Variants in STPG4 observed in about 807,000 individuals in gnomAD.
The protein encoded by STPG4 is protein STPG4.
In STPG4, 41 loss-of-function variants were observed where a neutral mutation model predicts 31.5. The ratio of observed to expected loss-of-function variants is 1.30; its 90% CI spans 1.01 to 1.69. STPG4 has a LOEUF of 1.69. STPG4 is among the 40% of genes most tolerant of loss of function. The pLI is 0.00. For missense variants in STPG4, 375 were observed against 293.4 expected (o/e 1.28, Z -2.03); for synonymous variants, 141 against 103.0 (o/e 1.37, Z -2.24).
rs192581446 is a variant in STPG4 at position 47,104,791 on chromosome 2, A to C, written c.520-14417T>G. ...TCTAGATCTCTTGAACTTTCTAGCTAATCAAGGGTACAAGGTGTCTAGGTC... is the reference window on the plus strand; with the variant it reads ...TCTAGATCTCTTGAACTTTCTAGCTCATCAAGGGTACAAGGTGTCTAGGTC... On this transcript the variant is annotated intron_variant, in intron 5 of 6. Coordinates refer to ENST00000445927, the MANE Select transcript of STPG4 (RefSeq NM_001163561.2). Among the ~76,000 whole-genome samples, 1,467 of 152,074 alleles carry C rather than the reference A, an allele frequency of 9.6e-3. 57 individuals are homozygous for C. The highest frequency in any genetic ancestry group is 0.033 in the African/African-American group (1,358 of 41,364).
chr2:47,144,456 G>A (rs1686777398), intron 3 of STPG4, among the ~76,000 whole-genome samples: 1 of 152,132 alleles, frequency 6.6e-6, no homozygotes, highest in African/African-American at 2.4e-5. Context: ...TGAGGCAGGA[G>A]GAGGACTGCT....
At chr2:47,097,914 T>G (rs1036038468) in intron 5 of STPG4, among the ~76,000 whole-genome samples, 2 of 148,450 alleles carry the variant, frequency 1.3e-5, no homozygotes, top group African/African-American at 5.0e-5. Flanking sequence ...GGCCAGGAGT[T>G]TGAGACCAGC....
At chr2:47,129,729 A>C in intron 5 of STPG4, 1 of 534,716 alleles carries the variant, frequency 1.9e-6, no homozygotes. Context: ...TTTCCTTGAT[A>C]CAATGTTAAA....
At chr2:47,094,458 C>T (rs1368834538) in intron 5 of STPG4, among the ~76,000 whole-genome samples, 2 of 152,154 alleles carry the variant, frequency 1.3e-5, no homozygotes, top group Non-Finnish European at 2.9e-5. Flanking sequence ...TTGAAGAAGC[C>T]CTATTTAATT....
At chr2:47,143,121 C>G (rs1302251881) in intron 3 of STPG4, among the ~76,000 whole-genome samples, 2 of 151,976 alleles carry the variant, frequency 1.3e-5, no homozygotes, top group African/African-American at 4.8e-5. Flanking sequence ...CCACCGCACC[C>G]GGCCAACCTC....
At chr2:47,127,693 G>C (rs1686393034) in intron 5 of STPG4, among the ~76,000 whole-genome samples, 1 of 151,982 alleles carries the variant, frequency 6.6e-6, no homozygotes, top group Non-Finnish European at 1.5e-5. Flanking sequence ...AAATTATTTT[G>C]ATTTGTTTGC....
intron 5 of STPG4, among the ~76,000 whole-genome samples, chr2:47,116,902 G>A (rs1166299837): frequency 6.6e-6 from 1 of 152,198 alleles, no homozygotes; most frequent in African/African-American, 2.4e-5. Context: ...CATTGCTGCA[G>A]TGAGTGAGAA....
At chr2:47,128,476 G>A (rs1686407083) in intron 5 of STPG4, among the ~76,000 whole-genome samples, 2 of 152,208 alleles carry the variant, frequency 1.3e-5, no homozygotes, top group South Asian at 2.1e-4. Flanking sequence ...AATTTATTGG[G>A]TACTCTATAC....
chr2:47,116,655 C>G (rs754875310), intron 5 of STPG4, among the ~76,000 whole-genome samples: 5 of 152,060 alleles, frequency 3.3e-5, no homozygotes, highest in Admixed American at 1.3e-4. Context: ...TCTCAGATAC[C>G]CTAATTCTTG....
At chr2:47,098,759 A>G (rs1211597061) in intron 5 of STPG4, among the ~76,000 whole-genome samples, 1 of 140,560 alleles carries the variant, frequency 7.1e-6, no homozygotes, top group Non-Finnish European at 1.5e-5. Flanking sequence ...CAAAAGAGGA[A>G]AAAAAAAAAA....
At chr2:47,101,081 G>T (rs189323961) in intron 5 of STPG4, among the ~76,000 whole-genome samples, 5 of 151,850 alleles carry the variant, frequency 3.3e-5, no homozygotes, top group African/African-American at 1.2e-4. Flanking sequence ...CTATCGCCAA[G>T]CAGTGAGTAC....
chr2:47,150,161 G>A (rs59415749), intron 3 of STPG4, among the ~76,000 whole-genome samples: 22,801 of 152,144 alleles, frequency 0.15, 2,108 homozygotes, highest in African/African-American at 0.25. Flanking sequence ...AATATACATG[G>A]AAGCCCATAG....
At chr2:47,115,993 T>A (rs976008359) in intron 5 of STPG4, among the ~76,000 whole-genome samples, 2 of 152,182 alleles carry the variant, frequency 1.3e-5, no homozygotes, top group Non-Finnish European at 2.9e-5. Context: ...ACTGTGGGTA[T>A]GTGGCTAGGA....
At chr2:47,092,878 C>T (rs1023610062) in intron 5 of STPG4, among the ~76,000 whole-genome samples, 4 of 152,038 alleles carry the variant, frequency 2.6e-5, no homozygotes, top group African/African-American at 9.7e-5. Context: ...CTGCAAGCTC[C>T]GCCTCCTGGG....
At chr2:47,138,609 C>T (rs1686644732) in intron 3 of STPG4, among the ~76,000 whole-genome samples, 1 of 151,904 alleles carries the variant, frequency 6.6e-6, no homozygotes, top group Non-Finnish European at 1.5e-5. Context: ...GAGTGTAGTG[C>T]CATGATCTCA....
intron 5 of STPG4, among the ~76,000 whole-genome samples, chr2:47,117,424 G>A (rs1244647208): frequency 6.6e-6 from 1 of 152,122 alleles, no homozygotes; most frequent in Admixed American, 6.6e-5. Context: ...GGTCAGGCTG[G>A]TCTTGAACTC....
At chr2:47,144,955 C>T (rs770711350) in intron 3 of STPG4, among the ~76,000 whole-genome samples, 1 of 152,200 alleles carries the variant, frequency 6.6e-6, no homozygotes, top group Non-Finnish European at 1.5e-5. Context: ...AGGTCTTGAT[C>T]TCTTGACCTC....
chr2:47,112,989 C>CAA (rs70940656), intron 5 of STPG4, among the ~76,000 whole-genome samples: 3 of 93,670 alleles, frequency 3.2e-5, no homozygotes, highest in African/African-American at 4.0e-5. Context: ...AAGACTATCT[C>CAA]AAAAAAAAAA....
chr2:47,135,386 C>T (rs971630242), intron 3 of STPG4, among the ~76,000 whole-genome samples: 4 of 152,012 alleles, frequency 2.6e-5, no homozygotes, highest in African/African-American at 9.7e-5. Flanking sequence ...TTCTTTTCCT[C>T]TTTTTTATTT....
Sources: gnomAD v4.1 joint callset for allele counts (sites outside exome capture counted in the v4.1 genomes callset) on GRCh38, gnomAD v4.1.1 for gene constraint, MANE v1.5 for transcripts, NCBI Gene and HGNC (gene_info 2026-07-23, HGNC 2026-07-21) for gene names.